Variants in ARHGAP23 observed in about 807,000 individuals in gnomAD.
The protein encoded by ARHGAP23 is Rho GTPase activating protein 23.
Under a neutral mutation model 136.3 loss-of-function variants are expected in ARHGAP23, and 34 were observed. The ratio of observed to expected loss-of-function variants is 0.25; its 90% CI spans 0.19 to 0.33. The LOEUF is 0.33. Among genes scored for constraint, ARHGAP23 ranks in the 10% least tolerant of loss-of-function variants. ARHGAP23 has a pLI of 1.00. For missense variants in ARHGAP23, 1,808 were observed against 2,139.0 expected (o/e 0.85, Z 3.05); for synonymous variants, 832 against 920.5 (o/e 0.90, Z 1.74).
chr17:38,500,762 G>A, intron 23 of ARHGAP23, 134 bp downstream of exon 23: 4 of 830,212 alleles, frequency 4.8e-6, no homozygotes, highest in Non-Finnish European at 7.9e-6. Context: ...AAGGCAGGAG[G>A]TACCGAGTGC....
intron 22 of ARHGAP23, among the ~76,000 whole-genome samples, chr17:38,499,340 T>TCCTG (rs1424007892): frequency 1.3e-5 from 2 of 152,304 alleles, no homozygotes; most frequent in African/African-American, 4.8e-5. Context: ...TATCTCTAAC[T>TCCTG]CCTGCCTCAG....
intron 23 of ARHGAP23, among the ~76,000 whole-genome samples, chr17:38,503,049 AAAACAAAC>A (rs60346398): frequency 6.6e-6 from 1 of 152,158 alleles, no homozygotes; most frequent in Non-Finnish European, 1.5e-5. Context: ...TCCTATCTCA[AAAACAAAC>A]AAACAAACAA....
At position 38,506,716 on chromosome 17, in the gene ARHGAP23, C is replaced by T. The variant is rs534622207; in HGVS notation, c.3448-3228C>T. Among the ~76,000 whole-genome samples, 8 of 152,296 alleles carry T rather than the reference C, an allele frequency of 5.3e-5. No individual in the cohort carries two copies. The South Asian group carries it at 8.3e-4, about 16-fold the overall frequency. On this transcript the variant is annotated intron_variant, in intron 23 of 23. Coordinates refer to ENST00000622683, the MANE Select transcript of ARHGAP23 (RefSeq NM_001199417.2). ...AACCGCACTAATCCCATCAAAAGGTCCCACCTTCACCTAAACCTAATTATC... is the reference window on the plus strand; with the variant it reads ...AACCGCACTAATCCCATCAAAAGGTTCCACCTTCACCTAAACCTAATTATC...
At chr17:38,498,751 G>C (rs1334449433) in intron 22 of ARHGAP23, among the ~76,000 whole-genome samples, 1 of 152,150 alleles carries the variant, frequency 6.6e-6, no homozygotes, top group African/African-American at 2.4e-5. Context: ...AGCTTTGTTC[G>C]CCCTCTCTCA....
chr17:38,464,548 C>T (rs928258333), intron 6 of ARHGAP23, among the ~76,000 whole-genome samples: 5 of 152,216 alleles, frequency 3.3e-5, no homozygotes, highest in African/African-American at 9.6e-5. Flanking sequence ...CCACCCCTGA[C>T]CTCGATTGTC....
At chr17:38,448,165 C>T (rs1217578689) in intron 1 of ARHGAP23, among the ~76,000 whole-genome samples, 1 of 152,228 alleles carries the variant, frequency 6.6e-6, no homozygotes, top group East Asian at 1.9e-4. Flanking sequence ...ACTGAATCCT[C>T]CCTGCTTGGG....
intron 20 of ARHGAP23, among the ~76,000 whole-genome samples, chr17:38,496,913 A>G (rs1221256744): frequency 6.6e-6 from 1 of 151,766 alleles, no homozygotes; most frequent in Non-Finnish European, 1.5e-5. Context: ...AGATTGCACC[A>G]CTGCACTCCA....
At chr17:38,498,897 C>T (rs1039647903) in intron 22 of ARHGAP23, 3 of 696,540 alleles carry the variant, frequency 4.3e-6, no homozygotes, top group Non-Finnish European at 7.8e-6. Flanking sequence ...TCTCCTCCCA[C>T]CCCCTTCTCT....
At chr17:38,421,063 C>A (rs8076095) in intron 1 of ARHGAP23, among the ~76,000 whole-genome samples, 38,597 of 151,842 alleles carry the variant, frequency 0.25, 5,630 homozygotes, top group African/African-American at 0.4. Context: ...CCTTCATCAG[C>A]CCTCCGTAAC....
intron 2 of ARHGAP23, 26 bp downstream of exon 2, chr17:38,458,289 G>C: frequency 1.4e-6 from 2 of 1,478,444 alleles, no homozygotes; most frequent in Non-Finnish European, 1.8e-6. Flanking sequence ...CGCTGCCCTG[G>C]TCTGGGGAAG....
chr17:38,424,868 A>G (rs1023115308), upstream of ARHGAP23, among the ~76,000 whole-genome samples: 2 of 152,178 alleles, frequency 1.3e-5, no homozygotes, highest in Non-Finnish European at 2.9e-5. Context: ...GATCTCACAT[A>G]CAAAGGACTT....
At chr17:38,448,939 C>T (rs2039097314) in intron 1 of ARHGAP23, among the ~76,000 whole-genome samples, 1 of 150,678 alleles carries the variant, frequency 6.6e-6, no homozygotes, top group Non-Finnish European at 1.5e-5. Flanking sequence ...CCACCTCAGC[C>T]TCCTGAGTAG....
chr17:38,428,577 G>C, intron 1 of ARHGAP23, 29 bp downstream of exon 1: 1 of 1,374,900 alleles, frequency 7.3e-7, no homozygotes, highest in Non-Finnish European at 9.4e-7. Flanking sequence ...GGAAGTGGGC[G>C]GGGCCGGTAG....
intron 1 of ARHGAP23, among the ~76,000 whole-genome samples, chr17:38,439,959 C>T (rs1399905842): frequency 6.6e-6 from 1 of 151,768 alleles, no homozygotes; most frequent in African/African-American, 2.4e-5. Context: ...AACTCCTGAC[C>T]TTAGGTGATC....
chr17:38,474,173 G>A (rs2144684015), intron 11 of ARHGAP23, among the ~76,000 whole-genome samples: 1 of 152,188 alleles, frequency 6.6e-6, no homozygotes, highest in East Asian at 1.9e-4. Flanking sequence ...TGCCTGCCTT[G>A]GCCTCCCAAA....
intron 23 of ARHGAP23, among the ~76,000 whole-genome samples, chr17:38,505,380 C>A (rs1374447105): frequency 7.9e-5 from 12 of 152,126 alleles, no homozygotes; most frequent in African/African-American, 2.9e-4. Flanking sequence ...CCCTCACCTA[C>A]TGCTTAGCTT....
chr17:38,434,855 G>A (rs1277507782), intron 1 of ARHGAP23, among the ~76,000 whole-genome samples: 2 of 152,240 alleles, frequency 1.3e-5, no homozygotes, highest in African/African-American at 4.8e-5. Flanking sequence ...GGAGGAGGGA[G>A]AGGTGGGGAC....
In ARHGAP23 at chr17:38,500,847, G is replaced by T; in HGVS notation, c.3447+219G>T. 8.5e-6 allele frequency: 5 copies of T among 591,196 alleles called. No homozygotes were observed. The South Asian group carries it at 8.9e-5, about 10-fold the overall frequency. 36.6% of individuals were successfully genotyped at this position (591,196 alleles called of 1,614,324 possible). On this transcript the variant is annotated intron_variant, in intron 23 of 23. Coordinates refer to ENST00000622683, the MANE Select transcript of ARHGAP23 (RefSeq NM_001199417.2). ...CTGCTGTAGTAGAAGGACCTGGCCT[G>T]GGAGTTATGTGGCTAGGAGGCAATG...
rs200787994 is a variant in ARHGAP23, at chr17:38,479,828, C to G, written c.2574C>G (p.Leu858=). The change falls in exon 14 of 24, where the codon CTC becomes CTG. Residue 858 remains leucine (L), a synonymous_variant. Transcript: ENST00000622683. ...RGLGGLKSEF[L]KQSAARGLRT... ...TGGGGGGCCTCAAGTCTGAGTTCCTCAAGCAGAGTGCGGCACGTGGCCTCA... is the reference window on the plus strand; with the variant it reads ...TGGGGGGCCTCAAGTCTGAGTTCCTGAAGCAGAGTGCGGCACGTGGCCTCA... 6.5e-4 allele frequency: 995 copies of G among 1,538,200 alleles called. 3 individuals carry two copies. Among genetic ancestry groups the G allele is most frequent in the Non-Finnish European group, 8.1e-4 (930 of 1,141,724 alleles).
Sources: allele counts gnomAD v4.1 joint callset (sites outside exome capture counted in the v4.1 genomes callset), GRCh38; gene constraint gnomAD v4.1.1; transcripts MANE v1.5; gene names NCBI Gene and HGNC (gene_info 2026-07-23, HGNC 2026-07-21).